Variants in TM9SF4 observed in about 807,000 individuals in gnomAD.
The protein encoded by TM9SF4 is dinucleotide oxidase disulfide thiol exchanger 3 superfamily member 4.
In TM9SF4, 26 loss-of-function variants were observed where a neutral mutation model predicts 90.4. That is an observed-to-expected ratio of 0.29 (90% CI 0.21 to 0.40). The LOEUF (loss-of-function observed/expected upper bound fraction) is 0.40, where lower values mean the gene tolerates loss of function less well. Among genes scored for constraint, TM9SF4 ranks in the 10% least tolerant of loss-of-function variants. The pLI is 1.00. For synonymous variants in TM9SF4, 293 were observed against 315.4 expected, an observed-to-expected ratio of 0.93 and a Z score of 0.75; for missense variants, 549 against 834.8, an observed-to-expected ratio of 0.66 and a Z score of 4.22.
chr20:32,112,693 CAAAAAAA>C (rs11406793), intron 1 of TM9SF4, among the ~76,000 whole-genome samples: 11 of 121,688 alleles, frequency 9.0e-5, no homozygotes, highest in East Asian at 6.7e-4. Context: ...GACCCTATCT[CAAAAAAA>C]AAAAAAAAAC....
At chr20:32,123,878 A>T (rs1255104054) in intron 1 of TM9SF4, among the ~76,000 whole-genome samples, 6 of 50,086 alleles carry the variant, frequency 1.2e-4, no homozygotes, top group Admixed American at 2.1e-4. Flanking sequence ...TTTTTTTTTT[A>T]AAGAGATAGG....
chr20:32,147,073 C>T (rs957147327), intron 9 of TM9SF4, among the ~76,000 whole-genome samples: 2 of 149,920 alleles, frequency 1.3e-5, no homozygotes, highest in South Asian at 2.1e-4. Context: ...CTCCACCTCC[C>T]GGGTTCAAGC....
In TM9SF4 at chr20:32,167,169, T is replaced by A. The variant is rs1406555272; in HGVS notation, c.*1725T>A. ...AAGATCATCAATTTTTCTGACTTTT[T>A]AAATCATTATCATTATTATTTTTAA... On this transcript the variant is annotated 3_prime_UTR_variant, in exon 18 of 18. Coordinates refer to ENST00000398022, the MANE Select transcript of TM9SF4 (RefSeq NM_014742.4). 1.3e-5 allele frequency: 2 copies of A among 152,222 alleles called. No homozygotes were observed. The highest frequency in any genetic ancestry group is 4.8e-5 in the African/African-American group (2 of 41,450). 9.4% of individuals were successfully genotyped at this position (152,222 alleles called of 1,614,324 possible). A position where few individuals can be genotyped will look rare whatever the true frequency, so the allele number is the denominator to read the frequency against.
At chr20:32,124,217 C>G (rs1167425166) in intron 1 of TM9SF4, among the ~76,000 whole-genome samples, 1 of 152,064 alleles carries the variant, frequency 6.6e-6, no homozygotes, top group African/African-American at 2.4e-5. Flanking sequence ...TTTCTCTTTT[C>G]AAAATCATCC....
chr20:32,145,466 G>A, intron 8 of TM9SF4, 43 bp downstream of exon 8: 2 of 1,560,256 alleles, frequency 1.3e-6, no homozygotes, highest in South Asian at 1.1e-5. Flanking sequence ...GGGGGTTGGG[G>A]TTGAGGGACT....
chr20:32,161,843 G>A (rs779273653), intron 17 of TM9SF4, among the ~76,000 whole-genome samples: 1 of 152,228 alleles, frequency 6.6e-6, no homozygotes, highest in Non-Finnish European at 1.5e-5. Flanking sequence ...CTCTGCAGGT[G>A]TTCTCTTCTT....
intron 1 of TM9SF4, 47 bp downstream of exon 1, chr20:32,109,802 G>A: frequency 1.4e-5 from 21 of 1,551,268 alleles, no homozygotes; most frequent in Non-Finnish European, 1.8e-5. Flanking sequence ...GGGGCCCTCC[G>A]GGGTATCCCA....
At chr20:32,152,072 A>T (rs1477804828) in intron 12 of TM9SF4, among the ~76,000 whole-genome samples, 1 of 149,522 alleles carries the variant, frequency 6.7e-6, no homozygotes, top group African/African-American at 2.5e-5. Flanking sequence ...GGGTTTCACC[A>T]TGTTAGCCAG....
At position 32,133,250 on chromosome 20, in the gene TM9SF4, C is replaced by T. The variant is rs73250846; in HGVS notation, c.129+124C>T. On this transcript the variant is annotated intron_variant, in intron 2 of 17. Transcript: ENST00000398022. ...AAGAATAGTGCCAGTTACCCCGGAA[C>T]TCTGCCTCTCCCTCTCCCTGTGCCT... 10,316 of 752,548 alleles carry T rather than the reference C, an allele frequency of 0.014. 822 individuals are homozygous for T. In the African/African-American group the frequency reaches 0.16, roughly 12 times the overall value. The allele number at this position is 752,548 out of a possible 1,614,324, so 46.6% of individuals were successfully genotyped here.
chr20:32,136,153 C>A lies in TM9SF4; in HGVS notation c.209C>A (p.Thr70Asn), dbSNP rs781208027. Residue 70 changes from threonine (T) to asparagine (N), a missense_variant, in exon 3 of 18, where the codon ACC becomes AAC. Around this residue, in one of 2 missense-constraint regions of TM9SF4, gnomAD observed 495 missense variants for 711.7 expected, o/e 0.70. Coordinates refer to ENST00000398022, the MANE Select transcript of TM9SF4 (RefSeq NM_014742.4). Reference protein sequence around the residue: ...SLPFCQPSKITYKAENLGEVL... With the variant: ...SLPFCQPSKINYKAENLGEVL... ...CCCTTCTGCCAGCCCAGCAAGATAA[C>A]CTACAAGGCAGAGAATCTGGGTAAG... is the stretch of plus-strand genomic sequence containing the variant. 355 of 1,614,058 alleles carry A rather than the reference C, an allele frequency of 2.2e-4. No individual in the cohort carries two copies. The highest frequency in any genetic ancestry group is 2.9e-4 in the Non-Finnish European group (343 of 1,180,032).
chr20:32,122,058 G>A (rs2046322488), intron 1 of TM9SF4, among the ~76,000 whole-genome samples: 1 of 143,682 alleles, frequency 7.0e-6, no homozygotes, highest in Non-Finnish European at 1.5e-5. Context: ...CCGGGACGGG[G>A]CAGCTGGCCA....
chr20:32,158,617 C>T (rs1243600248), intron 15 of TM9SF4, 103 bp downstream of exon 15: 2 of 1,138,384 alleles, frequency 1.8e-6, no homozygotes, highest in Non-Finnish European at 2.6e-6. Flanking sequence ...TTCAGATGGG[C>T]CACTTCACCT....
chr20:32,161,467 A>AC (rs749172550), intron 17 of TM9SF4, 102 bp downstream of exon 17: 6 of 1,128,320 alleles, frequency 5.3e-6, no homozygotes, highest in Non-Finnish European at 7.8e-6. Flanking sequence ...TTCCTTTTCC[A>AC]CCCAGAATGG....
intron 5 of TM9SF4, 39 bp downstream of exon 5, chr20:32,141,934 C>T: frequency 1.2e-6 from 2 of 1,612,634 alleles, no homozygotes; most frequent in Non-Finnish European, 1.7e-6. Flanking sequence ...CCGGGAGCCA[C>T]ACCTCACGAG....
intron 1 of TM9SF4, among the ~76,000 whole-genome samples, chr20:32,120,388 G>C (rs1037087737): frequency 1.5e-5 from 2 of 129,440 alleles, no homozygotes; most frequent in African/African-American, 6.1e-5. Context: ...TTGATACTAA[G>C]TGGTGCGTTT....
At chr20:32,147,429 T>A (rs962766390) in intron 9 of TM9SF4, among the ~76,000 whole-genome samples, 8 of 152,170 alleles carry the variant, frequency 5.3e-5, no homozygotes, top group African/African-American at 1.9e-4. Flanking sequence ...ACATTAAAAA[T>A]TGTAAAACTA....
chr20:32,114,254 A>C (rs760893728), intron 1 of TM9SF4, among the ~76,000 whole-genome samples: 2 of 152,216 alleles, frequency 1.3e-5, no homozygotes, highest in Non-Finnish European at 2.9e-5. Context: ...AAATGACATC[A>C]AGATTCCTTT....
At chr20:32,118,706 G>A (rs2046263427) in intron 1 of TM9SF4, among the ~76,000 whole-genome samples, 1 of 151,754 alleles carries the variant, frequency 6.6e-6, no homozygotes, top group Non-Finnish European at 1.5e-5. Context: ...CGTGATTTCT[G>A]CTCACTGCAA....
chr20:32,112,551 G>C (rs555003316), intron 1 of TM9SF4, among the ~76,000 whole-genome samples: 10 of 152,088 alleles, frequency 6.6e-5, no homozygotes, highest in African/African-American at 2.4e-4. Context: ...AAAATTAGCA[G>C]GGTGTGGTGG....
Sources: allele counts gnomAD v4.1 joint callset (sites outside exome capture counted in the v4.1 genomes callset), GRCh38; gene constraint gnomAD v4.1.1; regional missense constraint gnomAD v4.1.1; transcripts MANE v1.5; gene names NCBI Gene and HGNC (gene_info 2026-07-23, HGNC 2026-07-21).